The following HS3ST2 variants were observed in gnomAD, a reference collection of about 807,000 sequenced individuals.
The protein encoded by HS3ST2 is heparan sulfate-glucosamine 3-sulfotransferase 2.
Under a neutral mutation model 26.3 loss-of-function variants are expected in HS3ST2, and 17 were observed. The observed-to-expected ratio is 0.65, with a 90% CI of 0.44 to 0.97. The LOEUF is 0.97. Ranked by LOEUF, HS3ST2 falls within the 50% of genes least tolerant of loss-of-function variation. The pLI is 0.00. For synonymous variants in HS3ST2, 237 were observed against 219.2 expected (o/e 1.08, Z -0.72); for missense variants, 402 against 501.2 (o/e 0.80, Z 1.89).
In HS3ST2 at chr16:22,814,786, C is replaced by T; in HGVS notation, c.176C>T (p.Pro59Leu). The T allele has an allele frequency of 1.9e-6, 3 of 1,596,482 alleles. No individual in the cohort carries two copies. The highest frequency in any genetic ancestry group is 2.6e-6 in the Non-Finnish European group (3 of 1,173,082). ...LLGAPRCLRG[P>L]SAGGQKLLQK... ...GGCGCGCCTCGCTGCCTCCGCGGCC[C>T]CAGCGCGGGCGGCCAGAAACTTCTC... Residue 59 changes from proline to leucine, a missense_variant, in exon 1 of 2, where the codon CCC becomes CTC. Physicochemically the swap from Pro to Leu is moderately conservative, Grantham distance 98. Coordinates refer to ENST00000261374, the MANE Select transcript of HS3ST2 (RefSeq NM_006043.2).
chr16:22,889,424 A>G (rs964628548), intron 1 of HS3ST2, among the ~76,000 whole-genome samples: 1 of 152,234 alleles, frequency 6.6e-6, no homozygotes, highest in Non-Finnish European at 1.5e-5. Context: ...CAGGTTGACC[A>G]TCCCCAATCT....
intron 1 of HS3ST2, among the ~76,000 whole-genome samples, chr16:22,850,358 C>T (rs1901500608): frequency 6.6e-6 from 1 of 152,060 alleles, no homozygotes; most frequent in South Asian, 2.1e-4. Flanking sequence ...AAAAATAATA[C>T]CTTATAATGG....
At chr16:22,867,361 A>G (rs1028306181) in intron 1 of HS3ST2, among the ~76,000 whole-genome samples, 1 of 152,244 alleles carries the variant, frequency 6.6e-6, no homozygotes, top group Non-Finnish European at 1.5e-5. Context: ...AAACACCAAG[A>G]ACAAGACTAA....
At chr16:22,913,185 C>CGGAA (rs1168157860) in intron 1 of HS3ST2, among the ~76,000 whole-genome samples, 2 of 91,522 alleles carry the variant, frequency 2.2e-5, no homozygotes, top group African/African-American at 9.0e-5. Flanking sequence ...GGAGGGAGGG[C>CGGAA]GGAAGGAAGG....
chr16:22,850,101 A>T (rs371891714), intron 1 of HS3ST2, among the ~76,000 whole-genome samples: 5 of 152,210 alleles, frequency 3.3e-5, no homozygotes, highest in African/African-American at 1.2e-4. Context: ...TTCATTGTTT[A>T]TCTGACATTT....
intron 1 of HS3ST2, among the ~76,000 whole-genome samples, chr16:22,820,600 C>T (rs867821934): frequency 2.0e-5 from 3 of 152,248 alleles, no homozygotes; most frequent in African/African-American, 7.2e-5. Flanking sequence ...CATCAGATTT[C>T]GTGAGACTTA....
At chr16:22,823,899 T>C (rs979047255) in intron 1 of HS3ST2, among the ~76,000 whole-genome samples, 4 of 152,194 alleles carry the variant, frequency 2.6e-5, no homozygotes, top group Admixed American at 2.6e-4. Context: ...TACAAGGGAG[T>C]GTAGCCTTCC....
chr16:22,911,221 C>T (rs1902421419), intron 1 of HS3ST2, among the ~76,000 whole-genome samples: 1 of 152,054 alleles, frequency 6.6e-6, no homozygotes. Context: ...GGATAAAAGG[C>T]TGGAAGGATG....
rs73543185 is a variant in HS3ST2 at position 22,852,294 on chromosome 16, T to C, written c.485+37199T>C. On this transcript the variant is annotated intron_variant, in intron 1 of 1. Coordinates refer to ENST00000261374, the MANE Select transcript of HS3ST2 (RefSeq NM_006043.2). ...AGACACAGGAGCAAAAATAAGTGAT[T>C]TCTCTTTGAAACCTCTGAGTTTTGT... Among the ~76,000 whole-genome samples the C allele has an allele frequency of 4.6e-3, 700 of 152,284 alleles. 7 individuals carry two copies. The highest frequency in any genetic ancestry group is 0.016 in the African/African-American group (659 of 41,558).
chr16:22,841,376 CTT>C (rs1901353862), intron 1 of HS3ST2, among the ~76,000 whole-genome samples: 1 of 152,116 alleles, frequency 6.6e-6, no homozygotes, highest in Admixed American at 6.5e-5. Flanking sequence ...CCCTGAATTT[CTT>C]TTGGCACTAC....
intron 1 of HS3ST2, among the ~76,000 whole-genome samples, chr16:22,842,328 G>T (rs1489543048): frequency 6.6e-6 from 1 of 151,994 alleles, no homozygotes; most frequent in Non-Finnish European, 1.5e-5. Flanking sequence ...CTCCCAAAGT[G>T]CTGGGATTGC....
At chr16:22,875,632 G>A (rs909708567) in intron 1 of HS3ST2, among the ~76,000 whole-genome samples, 4 of 152,006 alleles carry the variant, frequency 2.6e-5, no homozygotes, top group African/African-American at 7.3e-5. Flanking sequence ...CTGCCTGCTC[G>A]GCCTCCCAAA....
chr16:22,817,291 C>T (rs773007474), intron 1 of HS3ST2, among the ~76,000 whole-genome samples: 2 of 152,032 alleles, frequency 1.3e-5, no homozygotes, highest in Non-Finnish European at 2.9e-5. Context: ...CGTAATTGCC[C>T]TCTCCCCATT....
intron 1 of HS3ST2, among the ~76,000 whole-genome samples, chr16:22,854,260 C>T (rs1267673657): frequency 6.6e-6 from 1 of 152,090 alleles, no homozygotes; most frequent in Non-Finnish European, 1.5e-5. Context: ...TGACTTTATC[C>T]TTTATAAGTA....
rs28481865 is a variant in HS3ST2 at position 22,913,637 on chromosome 16, T to A, written c.486-1307T>A. On this transcript the variant is annotated intron_variant, in intron 1 of 1. Coordinates refer to ENST00000261374, the MANE Select transcript of HS3ST2 (RefSeq NM_006043.2). ...TTTGCCAGAACAATATTCAGTGGCT[T>A]ACTTTGTAATTTTTGAATATGTAAT... Among the ~76,000 whole-genome samples, 866 of 152,362 alleles carry A rather than the reference T, an allele frequency of 5.7e-3. 4 individuals carry two copies. The highest frequency in any genetic ancestry group is 0.02 in the African/African-American group (817 of 41,580).
chr16:22,832,044 G>A (rs1026716411), intron 1 of HS3ST2, among the ~76,000 whole-genome samples: 13 of 151,922 alleles, frequency 8.6e-5, no homozygotes, highest in East Asian at 7.7e-4. Flanking sequence ...GTGCAGTGGC[G>A]TGATCTCAGC....
rs1489223344 is a variant in HS3ST2 at position 22,914,763 on chromosome 16, A to AAAAG, written c.486-180_486-179insAAGA. Reference sequence around the variant, plus strand: ...AAAAAAAAAAAAAAAAAAAAAAAAAAAGAGAAGAAAAGAAAATCAACAAGA... The same window carrying AAAAG: ...AAAAAAAAAAAAAAAAAAAAAAAAAAAAAGAGAGAAGAAAAGAAAATCAACAAGA... On this transcript the variant is annotated intron_variant, in intron 1 of 1. Coordinates refer to ENST00000261374, the MANE Select transcript of HS3ST2 (RefSeq NM_006043.2). Among the ~76,000 whole-genome samples, 7 of 118,690 alleles carry AAAAG rather than the reference A, an allele frequency of 5.9e-5. 1 individual carries two copies. The highest frequency in any genetic ancestry group is 1.9e-4 in the African/African-American group (5 of 26,624). 77.9% of individuals were successfully genotyped at this position (118,690 alleles called of 152,430 possible). A position where few individuals can be genotyped will look rare whatever the true frequency, so the allele number is the denominator to read the frequency against.
At chr16:22,818,042 C>T (rs1353275581) in intron 1 of HS3ST2, among the ~76,000 whole-genome samples, 1 of 152,204 alleles carries the variant, frequency 6.6e-6, no homozygotes, top group Non-Finnish European at 1.5e-5. Context: ...CAGGCCACTA[C>T]CAGAGAGCCC....
intron 1 of HS3ST2, among the ~76,000 whole-genome samples, chr16:22,883,479 C>T (rs1253753887): frequency 6.6e-6 from 1 of 152,184 alleles, no homozygotes; most frequent in African/African-American, 2.4e-5. Context: ...TGGGTCTGTG[C>T]TATGTAGGGT....
Sources: allele counts gnomAD v4.1 joint callset (sites outside exome capture counted in the v4.1 genomes callset), GRCh38; gene constraint gnomAD v4.1.1; transcripts MANE v1.5; gene names NCBI Gene and HGNC (gene_info 2026-07-23, HGNC 2026-07-21).